Variants in OTUD7A observed in about 807,000 individuals in gnomAD.
OTUD7A encodes the protein OTU deubiquitinase 7A.
In OTUD7A, 12 loss-of-function variants were observed where a neutral mutation model predicts 65.7. The observed-to-expected ratio is 0.18, with a 90% CI of 0.12 to 0.30. The LOEUF (loss-of-function observed/expected upper bound fraction) is 0.30, where lower values mean the gene tolerates loss of function less well. Among genes scored for constraint, OTUD7A ranks in the 10% least tolerant of loss-of-function variants. The pLI is 1.00. For missense variants in OTUD7A, 1,148 were observed against 1,304.8 expected, an observed-to-expected ratio of 0.88 and a Z score of 1.85; for synonymous variants, 641 against 586.3, an observed-to-expected ratio of 1.09 and a Z score of -1.35.
intron 5 of OTUD7A, among the ~76,000 whole-genome samples, chr15:31,538,023 G>A (rs1307636199): frequency 1.3e-5 from 2 of 152,184 alleles, no homozygotes; most frequent in African/African-American, 4.8e-5. Context: ...ATGGGGCAAC[G>A]TGCAAATGTT....
intron 1 of OTUD7A, among the ~76,000 whole-genome samples, chr15:31,669,805 G>T (rs184001991): frequency 6.6e-6 from 1 of 151,930 alleles, no homozygotes; most frequent in Non-Finnish European, 1.5e-5. Flanking sequence ...GGGACCCAGG[G>T]AGCTCCCAGG....
intron 9 of OTUD7A, 134 bp downstream of exon 9, chr15:31,503,557 G>T: frequency 8.2e-7 from 1 of 1,217,290 alleles, no homozygotes; most frequent in East Asian, 2.4e-5. Flanking sequence ...AAAGAAACAC[G>T]TCGAGGAGAT....
intron 1 of OTUD7A, among the ~76,000 whole-genome samples, chr15:31,799,404 T>C (rs558083452): frequency 6.6e-6 from 1 of 152,324 alleles, no homozygotes; most frequent in Non-Finnish European, 1.5e-5. Flanking sequence ...CCCATATCCC[T>C]GTGTTGAAGA....
chr15:31,603,112 CA>C (rs531004905), intron 3 of OTUD7A, among the ~76,000 whole-genome samples: 2 of 152,052 alleles, frequency 1.3e-5, no homozygotes, highest in Non-Finnish European at 2.9e-5. Context: ...CATATGGAAC[CA>C]AAAAAGAGCC....
chr15:31,795,820 A>G (rs1217018264), intron 1 of OTUD7A, among the ~76,000 whole-genome samples: 1 of 152,162 alleles, frequency 6.6e-6, no homozygotes, highest in East Asian at 1.9e-4. Context: ...TCCTCTTTGT[A>G]AAGTGAGGAA....
At chr15:31,802,141 G>GTGTGTGTGTGTGTA (rs553698632) in intron 1 of OTUD7A, among the ~76,000 whole-genome samples, 1 of 142,494 alleles carries the variant, frequency 7.0e-6, no homozygotes, top group Non-Finnish European at 1.5e-5. Flanking sequence ...GTGTGTGTGT[G>GTGTGTGTGTGTGTA]TATATATATA....
At chr15:31,624,975 TTATAGC>T (rs1444580678) in intron 3 of OTUD7A, among the ~76,000 whole-genome samples, 1 of 152,188 alleles carries the variant, frequency 6.6e-6, no homozygotes, top group Non-Finnish European at 1.5e-5. Flanking sequence ...GACCGATGGA[TTATAGC>T]CTATGTGATG....
At chr15:31,679,387 G>C (rs1354667762) in intron 1 of OTUD7A, among the ~76,000 whole-genome samples, 1 of 151,864 alleles carries the variant, frequency 6.6e-6, no homozygotes, top group Non-Finnish European at 1.5e-5. Context: ...TTTGGAAGGG[G>C]CCAGATGTGG....
intron 5 of OTUD7A, among the ~76,000 whole-genome samples, chr15:31,545,586 G>A (rs1247995512): frequency 6.6e-6 from 1 of 152,046 alleles, no homozygotes; most frequent in South Asian, 2.1e-4. Context: ...TTAAAAATGG[G>A]TAAAAAACCT....
At chr15:31,623,038 C>G (rs897164341) in intron 3 of OTUD7A, among the ~76,000 whole-genome samples, 6 of 152,214 alleles carry the variant, frequency 3.9e-5, no homozygotes, top group African/African-American at 1.4e-4. Context: ...ACTCCAGAAC[C>G]TGTTTGCCTG....
intron 1 of OTUD7A, among the ~76,000 whole-genome samples, chr15:31,683,793 T>C (rs777213225): frequency 1.3e-5 from 2 of 152,124 alleles, no homozygotes; most frequent in Non-Finnish European, 2.9e-5. Flanking sequence ...TCAGAAGATT[T>C]GCTTTTGGTA....
intron 3 of OTUD7A, among the ~76,000 whole-genome samples, chr15:31,595,593 T>C (rs750114311): frequency 1.2e-3 from 180 of 152,354 alleles, no homozygotes; most frequent in Non-Finnish European, 2.1e-3. Flanking sequence ...CATCATTTCC[T>C]ACAAAGTATC....
chr15:31,837,031 T>C (rs1361758646), intron 1 of OTUD7A, among the ~76,000 whole-genome samples: 2 of 152,060 alleles, frequency 1.3e-5, no homozygotes, highest in African/African-American at 2.4e-5. Context: ...TAATGATTCA[T>C]AAAGAAGAAA....
intron 5 of OTUD7A, among the ~76,000 whole-genome samples, chr15:31,540,484 C>A (rs947353247): frequency 3.3e-5 from 5 of 152,168 alleles, no homozygotes; most frequent in Non-Finnish European, 7.3e-5. Flanking sequence ...TTCCTGGGTT[C>A]AAATCTCAGT....
intron 8 of OTUD7A, among the ~76,000 whole-genome samples, chr15:31,507,129 G>A (rs2041586938): frequency 6.6e-6 from 1 of 152,026 alleles, no homozygotes; most frequent in African/African-American, 2.4e-5. Flanking sequence ...AACTGGTGTC[G>A]GATTTAGAAC....
chr15:31,660,985 G>C (rs568999193), intron 1 of OTUD7A, among the ~76,000 whole-genome samples: 3 of 152,182 alleles, frequency 2.0e-5, no homozygotes, highest in Non-Finnish European at 4.4e-5. Flanking sequence ...CAGGTGCCGC[G>C]GGCTGGACAC....
chr15:31,739,650 T>A (rs546422172), intron 1 of OTUD7A, among the ~76,000 whole-genome samples: 2 of 152,138 alleles, frequency 1.3e-5, no homozygotes, highest in Non-Finnish European at 2.9e-5. Flanking sequence ...TGGAGTGCAG[T>A]GGCACCATCT....
intron 3 of OTUD7A, among the ~76,000 whole-genome samples, chr15:31,604,233 G>T (rs1408177212): frequency 6.6e-6 from 1 of 152,172 alleles, no homozygotes; most frequent in East Asian, 1.9e-4. Context: ...AGAAAATGTG[G>T]CACATATACA....
chr15:31,741,241 C>T (rs1411914479), intron 1 of OTUD7A, among the ~76,000 whole-genome samples: 2 of 152,122 alleles, frequency 1.3e-5, no homozygotes, highest in South Asian at 2.1e-4. Context: ...CCAAATAACC[C>T]ATAGGATTTG....
Sources: gnomAD v4.1 joint callset for allele counts (sites outside exome capture counted in the v4.1 genomes callset) on GRCh38, gnomAD v4.1.1 for gene constraint, MANE v1.5 for transcripts, NCBI Gene and HGNC (gene_info 2026-07-23, HGNC 2026-07-21) for gene names.